Variants in GMCL1 observed in about 807,000 individuals in gnomAD.
GMCL1 encodes the protein germ cell-less 1, spermatogenesis associated, also known as germ cell-less protein-like 1.
GMCL1 carries 54 observed loss-of-function variants against 75.5 expected under a neutral mutation model. The observed-to-expected ratio is 0.71, with a 90% CI of 0.57 to 0.90. The LOEUF (loss-of-function observed/expected upper bound fraction) is 0.90, where lower values mean the gene tolerates loss of function less well. Among genes scored for constraint, GMCL1 ranks in the 40% least tolerant of loss-of-function variants. The pLI is 0.00. For missense variants in GMCL1, 537 were observed against 622.7 expected, an observed-to-expected ratio of 0.86 and a Z score of 1.47; for synonymous variants, 210 against 209.6, an observed-to-expected ratio of 1.00 and a Z score of -0.02.
intron 9 of GMCL1, among the ~76,000 whole-genome samples, chr2:69,858,051 A>T (rs967630068): frequency 6.6e-6 from 1 of 152,192 alleles, no homozygotes; most frequent in African/African-American, 2.4e-5. Flanking sequence ...AATGTATCTC[A>T]TTTATTCCAT....
In GMCL1 at chr2:69,854,807, A is replaced by T; in HGVS notation, c.935-16A>T. On this transcript the variant is annotated splice_polypyrimidine_tract_variant and intron_variant, in intron 8 of 13. Transcript: ENST00000282570. The stretch of plus-strand genomic sequence containing the variant: ...TTTGAAAAGAATGGCTGTTTAACTT[A>T]CATGGTTTTTTATAGATTTTGAAGG... 6.3e-7 allele frequency: 1 copy of T among 1,598,188 alleles called. No homozygotes were observed. The highest frequency in any genetic ancestry group is 8.5e-7 in the Non-Finnish European group (1 of 1,174,436).
intron 1 of GMCL1, among the ~76,000 whole-genome samples, chr2:69,833,452 C>CA (rs1217403135): frequency 6.6e-6 from 1 of 151,918 alleles, no homozygotes; most frequent in Non-Finnish European, 1.5e-5. Context: ...CCGCCTCTAC[C>CA]AAAAAATACA....
intron 8 of GMCL1, among the ~76,000 whole-genome samples, chr2:69,852,544 C>CTTTTT (rs143568937): frequency 8.8e-5 from 13 of 147,760 alleles, no homozygotes; most frequent in Middle Eastern, 3.6e-3. Flanking sequence ...GTCTGTCTGT[C>CTTTTT]TTTTTTTTTT....
At chr2:69,860,585 A>G (rs1013450115) in intron 9 of GMCL1, among the ~76,000 whole-genome samples, 2 of 152,160 alleles carry the variant, frequency 1.3e-5, no homozygotes, top group South Asian at 4.1e-4. Flanking sequence ...ATTTTCTGTC[A>G]GAACTTCTGT....
At chr2:69,872,024 A>T (rs1317572480) in intron 13 of GMCL1, among the ~76,000 whole-genome samples, 192 bp downstream of exon 13, 1 of 152,212 alleles carries the variant, frequency 6.6e-6, no homozygotes, top group African/African-American at 2.4e-5. Context: ...ATGGAAGCAT[A>T]ATTAGGAGAA....
At chr2:69,846,300 CT>C (rs1254919270) in intron 6 of GMCL1, among the ~76,000 whole-genome samples, 1 of 152,080 alleles carries the variant, frequency 6.6e-6, no homozygotes, top group African/African-American at 2.4e-5. Context: ...ATTCTACCAA[CT>C]GCCGATTGAA....
At chr2:69,835,457 T>C (rs1674792768) in intron 1 of GMCL1, among the ~76,000 whole-genome samples, 1 of 151,740 alleles carries the variant, frequency 6.6e-6, no homozygotes. Flanking sequence ...GCTCTTATTC[T>C]TCCTCATGGT....
chr2:69,848,742 T>C (rs1369832607), intron 7 of GMCL1, among the ~76,000 whole-genome samples: 1 of 152,202 alleles, frequency 6.6e-6, no homozygotes, highest in Non-Finnish European at 1.5e-5. Context: ...TTACGTGCCG[T>C]GCACCATTCT....
At chr2:69,857,613 T>C (rs1368459945) in intron 9 of GMCL1, among the ~76,000 whole-genome samples, 1 of 152,244 alleles carries the variant, frequency 6.6e-6, no homozygotes, top group African/African-American at 2.4e-5. Context: ...GATTTTGACG[T>C]TATTATACAT....
At chr2:69,846,531 C>T (rs368529808) in intron 6 of GMCL1, among the ~76,000 whole-genome samples, 14 of 152,138 alleles carry the variant, frequency 9.2e-5, no homozygotes, top group African/African-American at 3.4e-4. Flanking sequence ...GTTCTGAAAC[C>T]AATCCCCCAC....
In GMCL1 at chr2:69,881,119, T is replaced by G. The variant is rs909582966; in HGVS notation, c.*2115T>G. On this transcript the variant is annotated 3_prime_UTR_variant, in exon 14 of 14. Transcript: ENST00000282570. ...CACTTACATAAGTTAACTGGCCAAATTGGATTTATATGTGGTTTCATCCAT... is the reference window on the plus strand; with the variant it reads ...CACTTACATAAGTTAACTGGCCAAAGTGGATTTATATGTGGTTTCATCCAT... The G allele has an allele frequency of 3.9e-5, 6 of 152,224 alleles. No individual in the cohort carries two copies. The highest frequency in any genetic ancestry group is 5.9e-5 in the Non-Finnish European group (4 of 68,030). 9.4% of individuals were successfully genotyped at this position (152,224 alleles called of 1,614,324 possible). A position where few individuals can be genotyped will look rare whatever the true frequency, so the allele number is the denominator to read the frequency against.
chr2:69,850,240 C>T (rs566799001), intron 8 of GMCL1, among the ~76,000 whole-genome samples: 4 of 152,178 alleles, frequency 2.6e-5, no homozygotes, highest in Admixed American at 6.5e-5. Flanking sequence ...CCATACCTTC[C>T]GTCAGATTCT....
Position 69,830,012 on chromosome 2 carries a change from C to G in GMCL1, c.120C>G (p.Gly40=), listed in dbSNP as rs1393977238. 5.1e-6 allele frequency: 8 copies of G among 1,565,044 alleles called. No homozygotes were observed. The East Asian group carries it at 1.7e-4, about 33-fold the overall frequency. Residue 40 remains glycine, a synonymous_variant, in exon 1 of 14, where the codon GGC becomes GGG. Coordinates refer to ENST00000282570, the MANE Select transcript of GMCL1 (RefSeq NM_178439.5). ...RRPDTGDDAA[G]HGFCYCAGSH... ...CGGACACTGGAGACGATGCGGCGGG[C>G]CACGGATTCTGTTACTGTGCGGGCA... is the stretch of plus-strand genomic sequence containing the variant.
At chr2:69,855,790 A>T (rs1022705795) in intron 9 of GMCL1, among the ~76,000 whole-genome samples, 1 of 152,190 alleles carries the variant, frequency 6.6e-6, no homozygotes, top group African/African-American at 2.4e-5. Context: ...ATAGTATAGC[A>T]GTTCTATAAT....
intron 1 of GMCL1, among the ~76,000 whole-genome samples, chr2:69,831,745 C>G (rs1573336266): frequency 1.3e-5 from 2 of 152,170 alleles, no homozygotes; most frequent in East Asian, 3.9e-4. Flanking sequence ...TAGCTGAGAC[C>G]ACAGGCATGC....
At chr2:69,852,714 A>G (rs1675353968) in intron 8 of GMCL1, among the ~76,000 whole-genome samples, 2 of 151,914 alleles carry the variant, frequency 1.3e-5, no homozygotes. Flanking sequence ...AATATTTTGT[A>G]TTTTTAGTAC....
intron 12 of GMCL1, among the ~76,000 whole-genome samples, chr2:69,871,480 A>G (rs1675978916): frequency 6.6e-6 from 1 of 152,198 alleles, no homozygotes; most frequent in Non-Finnish European, 1.5e-5. Flanking sequence ...CCACAGAACT[A>G]TATACTTTAA....
At chr2:69,849,524 A>G in intron 7 of GMCL1, 128 bp from the exon 8 acceptor site, 1 of 568,104 alleles carries the variant, frequency 1.8e-6, no homozygotes, top group East Asian at 3.2e-5. Context: ...TCTTTCTTGC[A>G]ATTGCTGGTA....
Position 69,837,664 on chromosome 2 carries a change from A to C in GMCL1, c.378A>C (p.Leu126Phe), listed in dbSNP as rs756770090. ...GEEWSLHKIYLCQSGYFSSMF... is the reference protein window; with the variant it reads ...GEEWSLHKIYFCQSGYFSSMF... ...AATGGAGCTTACACAAAATATATTT[A>C]TGTCAAGTAAGTATTTTTTCTATTT... is the stretch of plus-strand genomic sequence containing the variant. The change falls in exon 2 of 14, where the codon TTA becomes TTC. Residue 126 changes from leucine to phenylalanine, a missense_variant. Physicochemically the swap from Leu to Phe is conservative, Grantham distance 22 (BLOSUM62 0). Coordinates refer to ENST00000282570, the MANE Select transcript of GMCL1 (RefSeq NM_178439.5). 1.3e-6 allele frequency: 2 copies of C among 1,594,790 alleles called. No individual in the cohort carries two copies. The highest frequency in any genetic ancestry group is 1.7e-6 in the Non-Finnish European group (2 of 1,175,028).
Sources: gnomAD v4.1 joint callset for allele counts (sites outside exome capture counted in the v4.1 genomes callset) on GRCh38, gnomAD v4.1.1 for gene constraint, MANE v1.5 for transcripts, NCBI Gene and HGNC (gene_info 2026-07-23, HGNC 2026-07-21) for gene names.